Variants in FAM13A observed in about 807,000 individuals in gnomAD.
FAM13A encodes family with sequence similarity 13 member A.
A neutral mutation model predicts 129.6 loss-of-function variants in FAM13A; 76 were observed. That is an observed-to-expected ratio of 0.59 (90% CI 0.49 to 0.71). FAM13A has a LOEUF of 0.71. Ranked by LOEUF, FAM13A falls within the 30% of genes least tolerant of loss-of-function variation. The pLI is 0.00. For synonymous variants in FAM13A, 443 were observed against 449.9 expected, an observed-to-expected ratio of 0.98 and a Z score of 0.20; for missense variants, 1,108 against 1,249.3, an observed-to-expected ratio of 0.89 and a Z score of 1.70.
chr4:89,024,952 G>A (rs1284214722), intron 2 of FAM13A, among the ~76,000 whole-genome samples: 1 of 152,166 alleles, frequency 6.6e-6, no homozygotes, highest in East Asian at 1.9e-4. Context: ...CTCATTAAGA[G>A]CGACTGATTT....
chr4:88,949,033 A>G (rs548251218), intron 4 of FAM13A, among the ~76,000 whole-genome samples: 13 of 152,318 alleles, frequency 8.5e-5, no homozygotes, highest in African/African-American at 2.9e-4. Flanking sequence ...CATTCTTTCT[A>G]CCTACAATAA....
intron 6 of FAM13A, among the ~76,000 whole-genome samples, chr4:88,865,887 T>C (rs1740333059): frequency 2.9e-5 from 4 of 136,550 alleles, no homozygotes; most frequent in African/African-American, 5.7e-5. Flanking sequence ...TCTTTTTTTT[T>C]TTTTTTTTTT....
chr4:88,807,354 C>T (rs1013002698), intron 7 of FAM13A, among the ~76,000 whole-genome samples: 9 of 152,162 alleles, frequency 5.9e-5, no homozygotes, highest in Middle Eastern at 3.4e-3. Flanking sequence ...ATTATGACTG[C>T]GGGCCAGATC....
intron 4 of FAM13A, among the ~76,000 whole-genome samples, chr4:88,964,709 C>T (rs930764642): frequency 2.0e-5 from 3 of 150,150 alleles, no homozygotes; most frequent in Non-Finnish European, 2.9e-5. Context: ...CTCACTGCAA[C>T]GTCCACATCC....
At chr4:89,016,835 A>G (rs1400907069) in intron 3 of FAM13A, among the ~76,000 whole-genome samples, 1 of 152,068 alleles carries the variant, frequency 6.6e-6, no homozygotes, top group Non-Finnish European at 1.5e-5. Flanking sequence ...CGGTTTTGCC[A>G]TGTCACCCAG....
chr4:88,870,974 G>A (rs890990601), intron 6 of FAM13A, among the ~76,000 whole-genome samples: 2 of 152,218 alleles, frequency 1.3e-5, no homozygotes, highest in African/African-American at 4.8e-5. Flanking sequence ...TTGCTGTTCT[G>A]CAGCCTTTGC....
rs1332926481 is a variant in FAM13A at position 88,906,566 on chromosome 4, A to G, written c.760-104T>C. 3.7e-5 allele frequency: 28 copies of G among 754,348 alleles called. 1 individual carries two copies. In the Admixed American group the frequency reaches 6.9e-4, roughly 19 times the overall value. 46.7% of individuals were successfully genotyped at this position (754,348 alleles called of 1,614,324 possible). A position where few individuals can be genotyped will look rare whatever the true frequency, so the allele number is the denominator to read the frequency against. ...AGTTTTGAAGAGAGAGCATTTCTGGATTGAGTTGTTCACATCAGAAGCTGG... is the reference window on the plus strand; with the variant it reads ...AGTTTTGAAGAGAGAGCATTTCTGGGTTGAGTTGTTCACATCAGAAGCTGG... On this transcript the variant is annotated intron_variant, in intron 5 of 23. Coordinates refer to ENST00000264344, the MANE Select transcript of FAM13A (RefSeq NM_014883.4).
chr4:88,758,907 A>G lies in FAM13A; in HGVS notation c.1579-6T>C, dbSNP rs773570935. ...TGGATCTTCATTGTGGGGCTCTGCA[A>G]TAACAGCACAATGTCCCCAAATATC... On this transcript the variant is annotated splice_region_variant and splice_polypyrimidine_tract_variant and intron_variant, in intron 13 of 23. Transcript: ENST00000264344. The G allele has an allele frequency of 2.5e-6, 4 of 1,612,774 alleles. No individual in the cohort carries two copies. Among genetic ancestry groups the G allele is most frequent in the Non-Finnish European group, 3.4e-6 (4 of 1,179,352 alleles).
intron 8 of FAM13A, among the ~76,000 whole-genome samples, chr4:88,796,555 T>C (rs1726222649): frequency 6.6e-6 from 1 of 152,096 alleles, no homozygotes; most frequent in Non-Finnish European, 1.5e-5. Context: ...ATAAGTCCTA[T>C]ATTTCAAATG....
At chr4:88,945,964 CTGTGTGTGTG>C (rs763159585) in intron 4 of FAM13A, among the ~76,000 whole-genome samples, 1 of 70,858 alleles carries the variant, frequency 1.4e-5, no homozygotes, top group African/African-American at 6.1e-5. Context: ...CACATAGTAT[CTGTGTGTGTG>C]TGTGTGTGTG....
chr4:88,771,732 T>A (rs985714582), intron 11 of FAM13A, among the ~76,000 whole-genome samples: 1 of 152,202 alleles, frequency 6.6e-6, no homozygotes, highest in Non-Finnish European at 1.5e-5. Context: ...GTATTGCAAT[T>A]ATTTCCAACC....
At chr4:89,038,371 A>C (rs1769664784) in intron 1 of FAM13A, among the ~76,000 whole-genome samples, 1 of 152,196 alleles carries the variant, frequency 6.6e-6, no homozygotes, top group Non-Finnish European at 1.5e-5. Flanking sequence ...CTAACAAGGA[A>C]TGTATAAGAT....
At chr4:88,757,876 G>A (rs765477372) in intron 14 of FAM13A, among the ~76,000 whole-genome samples, 3 of 152,128 alleles carry the variant, frequency 2.0e-5, no homozygotes, top group East Asian at 1.9e-4. Context: ...GTGCTGAAAC[G>A]GGACTGATTT....
At chr4:88,921,453 T>G (rs1246639) in intron 5 of FAM13A, among the ~76,000 whole-genome samples, 30,137 of 151,948 alleles carry the variant, frequency 0.2, 3,225 homozygotes, top group African/African-American at 0.25. Context: ...GCCAAACTAA[T>G]CTTCATAAGT....
intron 7 of FAM13A, among the ~76,000 whole-genome samples, chr4:88,817,880 A>C (rs138480013): frequency 6.6e-6 from 1 of 152,244 alleles, no homozygotes; most frequent in Non-Finnish European, 1.5e-5. Context: ...ACTGTATTGC[A>C]AGCATAAGAA....
intron 4 of FAM13A, among the ~76,000 whole-genome samples, chr4:88,964,228 CA>C (rs1212480699): frequency 6.6e-6 from 1 of 152,138 alleles, no homozygotes; most frequent in African/African-American, 2.4e-5. Flanking sequence ...AAATATTTAC[CA>C]AACACTTATT....
intron 3 of FAM13A, among the ~76,000 whole-genome samples, chr4:89,005,381 A>G (rs1030285469): frequency 1.4e-4 from 21 of 152,174 alleles, no homozygotes; most frequent in African/African-American, 4.8e-4. Context: ...GAAAATTCAC[A>G]TGCATGTGTC....
At chr4:88,762,152 T>TGA (rs1274026353) in intron 13 of FAM13A, among the ~76,000 whole-genome samples, 1 of 152,162 alleles carries the variant, frequency 6.6e-6, no homozygotes, top group Non-Finnish European at 1.5e-5. Context: ...TGAAAGGCCC[T>TGA]GAGGCATGGT....
At chr4:88,865,433 A>G (rs935378044) in intron 6 of FAM13A, among the ~76,000 whole-genome samples, 4 of 152,260 alleles carry the variant, frequency 2.6e-5, no homozygotes, top group African/African-American at 9.6e-5. Flanking sequence ...TATAGCTAAT[A>G]CGTAAGTTTT....
Sources: gnomAD v4.1 joint callset for allele counts (sites outside exome capture counted in the v4.1 genomes callset) on GRCh38, gnomAD v4.1.1 for gene constraint, MANE v1.5 for transcripts, NCBI Gene and HGNC (gene_info 2026-07-23, HGNC 2026-07-21) for gene names.